The following WASHC2A variants were observed in gnomAD, a reference collection of about 807,000 sequenced individuals.
The protein encoded by WASHC2A is WASH complex subunit FAM21A.
Under a neutral mutation model 140.3 loss-of-function variants are expected in WASHC2A, and 82 were observed. The observed-to-expected ratio is 0.58, with a 90% CI of 0.49 to 0.70. The LOEUF is 0.70. Ranked by LOEUF, WASHC2A falls within the 30% of genes least tolerant of loss-of-function variation. The pLI, the probability that WASHC2A is intolerant of heterozygous loss-of-function variation, is 0.00. For missense variants in WASHC2A, 985 were observed against 1,521.8 expected, an observed-to-expected ratio of 0.65 and a Z score of 5.87; for synonymous variants, 340 against 560.8, an observed-to-expected ratio of 0.61 and a Z score of 5.56.
At chr10:50,069,449 A>T in intron 2 of WASHC2A, 98 bp from the exon 3 acceptor site, 1 of 1,439,202 alleles carries the variant, frequency 6.9e-7, no homozygotes, top group South Asian at 1.5e-5. Context: ...TCACATTCTA[A>T]CACTCAAAGG....
rs1416289643 is a variant in WASHC2A at position 50,129,715 on chromosome 10, C to A, written c.3384C>A (p.Asp1128Glu). ...TGGGTCATTCCAGAGGGGAGGCTGACCTTTTTGATTCTGGGGACATCTTTT... is the reference window on the plus strand; with the variant it reads ...TGGGTCATTCCAGAGGGGAGGCTGAACTTTTTGATTCTGGGGACATCTTTT... ...KSLGHSRGEA[D>E]LFDSGDIFST... Residue 1128 changes from aspartate to glutamate, a missense_variant, in exon 29 of 31, where the codon GAC (aspartate) becomes GAA (glutamate). Transcript: ENST00000282633. 1.2e-6 allele frequency: 2 copies of A among 1,611,950 alleles called. No individual in the cohort carries two copies. Among genetic ancestry groups the A allele is most frequent in the Non-Finnish European group, 8.5e-7 (1 of 1,179,878 alleles).
intron 20 of WASHC2A, chr10:50,112,113 C>T (rs1375347650): frequency 1.0e-6 from 1 of 984,742 alleles, no homozygotes; most frequent in Non-Finnish European, 1.2e-6. Flanking sequence ...ACCTTCATAC[C>T]CCAACACCCT....
intron 28 of WASHC2A, among the ~76,000 whole-genome samples, chr10:50,128,932 A>C (rs1843680317): frequency 6.6e-6 from 1 of 151,658 alleles, no homozygotes; most frequent in Non-Finnish European, 1.5e-5. Flanking sequence ...AGCACCTTAG[A>C]TTACCTCTCT....
intron 8 of WASHC2A, among the ~76,000 whole-genome samples, chr10:50,089,699 T>A (rs1430300994): frequency 6.6e-5 from 10 of 152,258 alleles, no homozygotes; most frequent in Non-Finnish European, 1.0e-4. Context: ...TTGCTTGACC[T>A]ACCTTGGATG....
intron 2 of WASHC2A, among the ~76,000 whole-genome samples, chr10:50,068,684 C>T (rs1837518017): frequency 6.7e-6 from 1 of 149,540 alleles, no homozygotes; most frequent in South Asian, 2.1e-4. Context: ...GATTAGCTAA[C>T]CCTTGGTCTG....
intron 2 of WASHC2A, among the ~76,000 whole-genome samples, chr10:50,068,898 G>A (rs1589131677): frequency 6.9e-6 from 1 of 144,760 alleles, no homozygotes; most frequent in East Asian, 1.9e-4. Context: ...TTTAATTTTA[G>A]TAGAGATGGG....
intron 26 of WASHC2A, chr10:50,126,568 A>G (rs2597015): frequency 1.1e-5 from 3 of 277,052 alleles, no homozygotes; most frequent in South Asian, 4.0e-5. Context: ...TGCCTCTCCC[A>G]AGGTCATTGC....
intron 3 of WASHC2A, among the ~76,000 whole-genome samples, chr10:50,072,481 CTT>C (rs11440968): frequency 4.3e-4 from 39 of 90,592 alleles, no homozygotes; most frequent in Non-Finnish European, 6.2e-4. Context: ...AGTGATCTGG[CTT>C]TTTTTTTTTT....
At position 50,130,029 on chromosome 10, in the gene WASHC2A, A is replaced by G. The variant is rs1263912722; in HGVS notation, c.3698A>G (p.Asp1233Gly). 3.1e-6 allele frequency: 5 copies of G among 1,611,830 alleles called. No individual in the cohort carries two copies. Among genetic ancestry groups the G allele is most frequent in the South Asian group, 1.1e-5 (1 of 90,978 alleles). The change falls in exon 29 of 31, where the codon GAT becomes GGT. Residue 1233 changes from aspartate (D) to glycine (G), a missense_variant. Transcript: ENST00000282633. ...SQQDVILTTQDIFEDDIFATE... is the reference protein window; with the variant it reads ...SQQDVILTTQGIFEDDIFATE... ...CAGGATGTCATATTAACAACACAAG[A>G]TATTTTTGAGGTAATAGGACTTAAC...
At chr10:50,076,715 C>T (rs1290051898) in intron 3 of WASHC2A, among the ~76,000 whole-genome samples, 1 of 152,028 alleles carries the variant, frequency 6.6e-6, no homozygotes, top group Admixed American at 6.6e-5. Flanking sequence ...CAATGGCTCA[C>T]ACCTGTAATC....
chr10:50,090,658 G>A (rs1839850268), intron 8 of WASHC2A, 118 bp from the exon 9 acceptor site: 4 of 877,680 alleles, frequency 4.6e-6, no homozygotes, highest in Non-Finnish European at 3.1e-6. Flanking sequence ...GCTGCATCAT[G>A]TTTATGATTA....
chr10:50,068,209 G>T lies in WASHC2A; in HGVS notation c.108G>T (p.Ser36=), dbSNP rs368992586. 4.8e-4 allele frequency: 760 copies of T among 1,585,698 alleles called. 7 individuals carry two copies. The African/African-American group carries it at 8.9e-3, about 18-fold the overall frequency. The change falls in exon 2 of 31, where the codon TCG becomes TCT. Residue 36 remains serine, a synonymous_variant. Transcript: ENST00000282633. ...EEIRRSSQSW[S]LAADAGLLQF... ...TCCGCAGGAGCAGCCAGAGCTGGTC[G>T]CTGGCGGCCGACGCGGGCGTGAGAG...
At chr10:50,072,710 G>C (rs1484609031) in intron 3 of WASHC2A, among the ~76,000 whole-genome samples, 1 of 151,930 alleles carries the variant, frequency 6.6e-6, no homozygotes, top group Non-Finnish European at 1.5e-5. Flanking sequence ...GGATGGTCTC[G>C]ATCTCCTGAC....
intron 10 of WASHC2A, among the ~76,000 whole-genome samples, chr10:50,091,941 A>G (rs1309034928): frequency 6.6e-6 from 1 of 152,238 alleles, no homozygotes; most frequent in Non-Finnish European, 1.5e-5. Flanking sequence ...TGTTATGCAC[A>G]TGAGCCTGGT....
chr10:50,132,364 C>T (rs1323204103), intron 30 of WASHC2A, among the ~76,000 whole-genome samples: 1 of 152,250 alleles, frequency 6.6e-6, no homozygotes, highest in African/African-American at 2.4e-5. Flanking sequence ...TACAGTCTTA[C>T]ATCGAGATGC....
At chr10:50,109,602 G>C (rs1842093499) in intron 19 of WASHC2A, among the ~76,000 whole-genome samples, 1 of 152,090 alleles carries the variant, frequency 6.6e-6, no homozygotes, top group Non-Finnish European at 1.5e-5. Flanking sequence ...GAAGCTCTGT[G>C]AGGTCAGAGA....
intron 10 of WASHC2A, among the ~76,000 whole-genome samples, chr10:50,091,729 T>C (rs1589193438): frequency 6.6e-6 from 1 of 152,226 alleles, no homozygotes; most frequent in African/African-American, 2.4e-5. Flanking sequence ...AAGAAAAACG[T>C]ACATGTACAC....
chr10:50,099,525 T>G (rs1320098357), intron 16 of WASHC2A, among the ~76,000 whole-genome samples: 5 of 151,268 alleles, frequency 3.3e-5, no homozygotes, highest in African/African-American at 1.2e-4. Context: ...AGTGTGTGTG[T>G]CCCCAGCAGT....
intron 18 of WASHC2A, among the ~76,000 whole-genome samples, chr10:50,104,366 CTTTT>C (rs1203711741): frequency 5.7e-5 from 7 of 122,190 alleles, no homozygotes; most frequent in Middle Eastern, 4.7e-3. Context: ...TGATGCAGTT[CTTTT>C]TTTTTTTTTT....
Sources: gnomAD v4.1 joint callset for allele counts (sites outside exome capture counted in the v4.1 genomes callset) on GRCh38, gnomAD v4.1.1 for gene constraint, MANE v1.5 for transcripts, NCBI Gene and HGNC (gene_info 2026-07-23, HGNC 2026-07-21) for gene names.